NRXN1: variants seen among roughly 807,000 people sequenced by gnomAD.
NRXN1 encodes the protein neurexin 1.
In NRXN1, 39 loss-of-function variants were observed where a neutral mutation model predicts 150.9. The ratio of observed to expected loss-of-function variants is 0.26; its 90% confidence interval spans 0.20 to 0.34. The LOEUF (loss-of-function observed/expected upper bound fraction) is 0.34, where lower values mean the gene tolerates loss of function less well. Among genes scored for constraint, NRXN1 ranks in the 10% least tolerant of loss-of-function variants. The pLI is 1.00. For synonymous variants in NRXN1, 924 were observed against 757.0 expected (o/e 1.22, Z -3.62); for missense variants, 1,815 against 1,949.9 (o/e 0.93, Z 1.30).
chr2:50,260,011 G>A (rs1390793906), intron 17 of NRXN1, among the ~76,000 whole-genome samples: 1 of 151,768 alleles, frequency 6.6e-6, no homozygotes, highest in Non-Finnish European at 1.5e-5. Context: ...TTTCAATAGT[G>A]GGAGGAGAGA....
At chr2:50,616,628 G>C (rs960607201) in intron 8 of NRXN1, 1 of 152,046 alleles carries the variant, frequency 6.6e-6, no homozygotes, top group Non-Finnish European at 1.5e-5. Flanking sequence ...TTCTAATCCT[G>C]CTGGACCCCC....
chr2:50,675,970 T>G (rs1689481841), intron 5 of NRXN1, among the ~76,000 whole-genome samples: 1 of 151,980 alleles, frequency 6.6e-6, no homozygotes, highest in Non-Finnish European at 1.5e-5. Context: ...AAAATCAGAG[T>G]CAAGTCCTGT....
At chr2:50,473,963 A>G (rs1278463041) in intron 15 of NRXN1, among the ~76,000 whole-genome samples, 1 of 152,006 alleles carries the variant, frequency 6.6e-6, no homozygotes, top group Non-Finnish European at 1.5e-5. Flanking sequence ...AAAACTGAGA[A>G]CTTAGGTCCT....
intron 22 of NRXN1, among the ~76,000 whole-genome samples, chr2:49,939,211 G>C (rs1462317924): frequency 6.6e-6 from 1 of 152,144 alleles, no homozygotes; most frequent in African/African-American, 2.4e-5. Context: ...AATAACTCCA[G>C]CAATCACAAT....
intron 17 of NRXN1, among the ~76,000 whole-genome samples, chr2:50,404,175 T>TTTG (rs147734893): frequency 2.6e-3 from 398 of 151,598 alleles, no homozygotes; most frequent in African/African-American, 7.9e-3. Context: ...TTTGTTTTGT[T>TTTG]TTGTTGTTGT....
intron 21 of NRXN1, among the ~76,000 whole-genome samples, chr2:50,010,085 A>C (rs1361463749): frequency 2.0e-5 from 3 of 152,150 alleles, no homozygotes; most frequent in Admixed American, 2.0e-4. Flanking sequence ...TCTTGAAAAA[A>C]CAAACCAGGC....
intron 17 of NRXN1, among the ~76,000 whole-genome samples, chr2:50,364,691 A>C (rs2079464778): frequency 6.6e-6 from 1 of 152,064 alleles, no homozygotes; most frequent in Admixed American, 6.6e-5. Context: ...TTGCAGAGGG[A>C]AGAAAACAGA....
rs1311394203 is a variant in NRXN1 at position 49,943,737 on chromosome 2, T to A, written c.4183A>T (p.Ile1395Phe). Residue 1395 changes from isoleucine (I) to phenylalanine (F), a missense_variant, in exon 22 of 23, where the codon ATT (isoleucine) becomes TTT (phenylalanine). Transcript: ENST00000401669. Reference sequence around the variant, plus strand: ...CCTGAGCTCGGCTCACAGGGGTCAATGTCCTCATCATCGCTGGGACACTCT... The same window carrying A: ...CCTGAGCTCGGCTCACAGGGGTCAAAGTCCTCATCATCGCTGGGACACTCT... Reference protein sequence around the residue: ...SAECPSDDEDIDPCEPSSGGL... With the variant: ...SAECPSDDEDFDPCEPSSGGL... 3 of 1,612,434 alleles carry A rather than the reference T, an allele frequency of 1.9e-6. No individual in the cohort carries two copies. Among genetic ancestry groups the A allele is most frequent in the Non-Finnish European group, 2.5e-6 (3 of 1,179,348 alleles).
intron 18 of NRXN1, among the ~76,000 whole-genome samples, chr2:50,185,805 G>C (rs572871521): frequency 5.3e-5 from 8 of 152,092 alleles, no homozygotes; most frequent in East Asian, 1.9e-4. Context: ...ACAACAACTA[G>C]CTTTTATTAT....
At chr2:50,895,884 C>A (rs1473268692) in intron 5 of NRXN1, among the ~76,000 whole-genome samples, 3 of 151,962 alleles carry the variant, frequency 2.0e-5, no homozygotes, top group African/African-American at 4.8e-5. Context: ...CTGGCCTATG[C>A]AAGAAATTTT....
intron 5 of NRXN1, among the ~76,000 whole-genome samples, chr2:50,807,036 G>T (rs1341282408): frequency 1.3e-5 from 2 of 151,978 alleles, no homozygotes; most frequent in Non-Finnish European, 2.9e-5. Context: ...TAGCATACAC[G>T]CCAATCATCC....
Position 50,590,863 on chromosome 2 carries a change from T to C in NRXN1, c.1320+29159A>G, listed in dbSNP as rs111825101. Among the ~76,000 whole-genome samples the C allele has an allele frequency of 7.1e-3, 1,075 of 152,238 alleles. 3 individuals carry two copies. The highest frequency in any genetic ancestry group is 9.9e-3 in the African/African-American group (411 of 41,546). On this transcript the variant is annotated intron_variant, in intron 8 of 22. Transcript: ENST00000401669. ...TGCCCAGTCTATGGTATTTTTGTTA[T>C]AGCAGTCAGAATGGACTAAGATCTC... is the stretch of plus-strand genomic sequence containing the variant.
chr2:49,961,017 A>G (rs1028636607), intron 21 of NRXN1, among the ~76,000 whole-genome samples: 2 of 152,160 alleles, frequency 1.3e-5, no homozygotes, highest in Non-Finnish European at 2.9e-5. Context: ...GTACTAAACA[A>G]ATAATATCAT....
chr2:50,221,196 A>G (rs1259277626), intron 18 of NRXN1, among the ~76,000 whole-genome samples: 1 of 152,020 alleles, frequency 6.6e-6, no homozygotes, highest in Non-Finnish European at 1.5e-5. Flanking sequence ...AACAACAAAG[A>G]ACTGAATCCC....
chr2:50,633,413 A>C (rs1682696591), intron 5 of NRXN1, among the ~76,000 whole-genome samples: 1 of 152,154 alleles, frequency 6.6e-6, no homozygotes, highest in South Asian at 2.1e-4. Flanking sequence ...ATATGTGATA[A>C]GTGTAATGAG....
At chr2:50,314,571 G>T (rs755816837) in intron 17 of NRXN1, among the ~76,000 whole-genome samples, 2 of 151,546 alleles carry the variant, frequency 1.3e-5, no homozygotes, top group Non-Finnish European at 2.9e-5. Context: ...GATTTTCTGA[G>T]TTTATTTTTT....
chr2:50,291,169 A>G (rs2072879005), intron 17 of NRXN1, among the ~76,000 whole-genome samples: 1 of 151,854 alleles, frequency 6.6e-6, no homozygotes, highest in Non-Finnish European at 1.5e-5. Flanking sequence ...AAGGGGAAAA[A>G]TCTGATGTTA....
At chr2:50,676,412 A>C (rs1196561185) in intron 5 of NRXN1, among the ~76,000 whole-genome samples, 4 of 152,150 alleles carry the variant, frequency 2.6e-5, no homozygotes, top group Non-Finnish European at 4.4e-5. Flanking sequence ...AAGACAGATT[A>C]GTGGTTAAGA....
chr2:50,327,194 A>C (rs114528893), intron 17 of NRXN1, among the ~76,000 whole-genome samples: 1 of 152,224 alleles, frequency 6.6e-6, no homozygotes, highest in Admixed American at 6.5e-5. Flanking sequence ...CATACAATGG[A>C]ATATGACTCA....
Sources: gnomAD v4.1 joint callset for allele counts (sites outside exome capture counted in the v4.1 genomes callset) on GRCh38, gnomAD v4.1.1 for gene constraint, MANE v1.5 for transcripts, NCBI Gene and HGNC (gene_info 2026-07-23, HGNC 2026-07-21) for gene names.